The following CIMIP5 variants were observed in gnomAD, a reference collection of about 807,000 sequenced individuals.
The protein encoded by CIMIP5 is ciliary microtubule inner protein 5.
At chr2:11,144,319 G>A in the CIMIP5 span, 253 of 384,606 alleles carry the variant, frequency 6.6e-4, no homozygotes, top group Non-Finnish European at 9.7e-4. Context: ...ACTGGTCCAC[G>A]GCCGTACAAT....
chr2:11,140,107 G>C, the CIMIP5 span, among the ~76,000 whole-genome samples: 3 of 117,338 alleles, frequency 2.6e-5, no homozygotes, highest in African/African-American at 9.5e-5. Context: ...AAAAAAAAAG[G>C]CTGGGCGTGG....
At chr2:11,144,313 G>T in the CIMIP5 span, 4 of 396,394 alleles carry the variant, frequency 1.0e-5, no homozygotes, top group African/African-American at 2.1e-5. Context: ...TCAGTAACTG[G>T]TCCACGGCCG....
the CIMIP5 span, chr2:11,146,430 A>G: frequency 3.7e-3 from 560 of 152,272 alleles, 2 homozygotes; most frequent in African/African-American, 0.013. Flanking sequence ...AAATTACAGG[A>G]TTTTTCTGCT....
At chr2:11,133,993 T>G in the CIMIP5 span, among the ~76,000 whole-genome samples, 3 of 152,024 alleles carry the variant, frequency 2.0e-5, no homozygotes, top group East Asian at 3.9e-4. Context: ...GAGACCAGAC[T>G]GCAACAAGGG....
the CIMIP5 span, among the ~76,000 whole-genome samples, chr2:11,142,498 A>G: frequency 6.6e-6 from 1 of 152,012 alleles, no homozygotes; most frequent in South Asian, 2.1e-4. Context: ...CCAGCCTGTA[A>G]GAGTCTCTCC....
chr2:11,153,442 C>A, the CIMIP5 span, among the ~76,000 whole-genome samples: 1 of 152,194 alleles, frequency 6.6e-6, no homozygotes. Context: ...CAGATCCTGG[C>A]CAACCCCTGG....
the CIMIP5 span, among the ~76,000 whole-genome samples, chr2:11,150,105 C>G: frequency 1.3e-5 from 2 of 151,942 alleles, no homozygotes; most frequent in Admixed American, 6.6e-5. Context: ...TGCCACCATG[C>G]CCAGCTAATT....
the CIMIP5 span, among the ~76,000 whole-genome samples, chr2:11,137,833 GT>G: frequency 3.3e-5 from 5 of 152,048 alleles, no homozygotes; most frequent in African/African-American, 4.8e-5. Context: ...TCTAAGAAAG[GT>G]TTTATTTTAT....
At chr2:11,137,327 T>C in the CIMIP5 span, among the ~76,000 whole-genome samples, 1 of 152,114 alleles carries the variant, frequency 6.6e-6, no homozygotes, top group African/African-American at 2.4e-5. Context: ...TCAGCCGAGA[T>C]TGTGCCACTG....
the CIMIP5 span, among the ~76,000 whole-genome samples, chr2:11,134,416 T>G: frequency 1.3e-5 from 2 of 152,194 alleles, no homozygotes; most frequent in Admixed American, 6.5e-5. Flanking sequence ...GTGAGCAGCC[T>G]GATAGATTCT....
At chr2:11,148,448 C>T in the CIMIP5 span, among the ~76,000 whole-genome samples, 1 of 151,840 alleles carries the variant, frequency 6.6e-6, no homozygotes, top group Non-Finnish European at 1.5e-5. Context: ...TGACTTCTAT[C>T]CACGGAAAGT....
At chr2:11,147,597 C>G in the CIMIP5 span, among the ~76,000 whole-genome samples, 1 of 152,204 alleles carries the variant, frequency 6.6e-6, no homozygotes, top group African/African-American at 2.4e-5. Context: ...GTCTCTCATT[C>G]TCTTGGACTG....
the CIMIP5 span, chr2:11,143,977 G>T: frequency 6.2e-7 from 1 of 1,606,574 alleles, no homozygotes; most frequent in African/African-American, 1.3e-5. Flanking sequence ...TTCGGACACA[G>T]TTCCCAGTTC....
the CIMIP5 span, chr2:11,144,057 C>T: frequency 1.9e-6 from 3 of 1,602,150 alleles, no homozygotes; most frequent in Non-Finnish European, 2.6e-6. Flanking sequence ...TGGACTTCTT[C>T]TTCACAGAAG....
the CIMIP5 span, among the ~76,000 whole-genome samples, chr2:11,141,320 G>T: frequency 2.4e-3 from 369 of 151,820 alleles, 1 homozygote; most frequent in African/African-American, 8.5e-3. Flanking sequence ...GTAGAGAGGG[G>T]GTTTCACTAT....
At chr2:11,144,182 C>T in the CIMIP5 span, 1 of 1,328,664 alleles carries the variant, frequency 7.5e-7, no homozygotes, top group Non-Finnish European at 1.0e-6. Context: ...CCCACAACAG[C>T]ACCAGTCAGC....
At chr2:11,148,445 T>C in the CIMIP5 span, among the ~76,000 whole-genome samples, 1 of 151,972 alleles carries the variant, frequency 6.6e-6, no homozygotes, top group African/African-American at 2.4e-5. Flanking sequence ...AAATGACTTC[T>C]ATCCACGGAA....
At chr2:11,150,076 A>T in the CIMIP5 span, among the ~76,000 whole-genome samples, 2 of 152,080 alleles carry the variant, frequency 1.3e-5, no homozygotes, top group Non-Finnish European at 1.5e-5. Context: ...CCTCCCGAGT[A>T]GCTGGGATTA....
At chr2:11,147,587 G>C in the CIMIP5 span, among the ~76,000 whole-genome samples, 1 of 152,128 alleles carries the variant, frequency 6.6e-6, no homozygotes, top group Non-Finnish European at 1.5e-5. Flanking sequence ...TTTTGTGCAT[G>C]TCTCTCATTC....
Sources: gnomAD v4.1 joint callset for allele counts (sites outside exome capture counted in the v4.1 genomes callset) on GRCh38, gnomAD v4.1.1 for gene constraint, MANE v1.5 for transcripts, NCBI Gene and HGNC (gene_info 2026-07-23, HGNC 2026-07-21) for gene names.